Variants in PLCB4 observed in about 807,000 individuals in gnomAD.
PLCB4 encodes the protein 1-phosphatidylinositol 4,5-bisphosphate phosphodiesterase beta-4.
A neutral mutation model predicts 178.8 loss-of-function variants in PLCB4; 77 were observed. That is an observed-to-expected ratio of 0.43 (90% CI 0.36 to 0.52). The LOEUF (loss-of-function observed/expected upper bound fraction) is 0.52. Among genes scored for constraint, PLCB4 ranks in the 20% least tolerant of loss-of-function variants. The pLI is 0.00. For missense variants in PLCB4, 1,024 were observed against 1,453.4 expected, an observed-to-expected ratio of 0.70 and a Z score of 4.80; for synonymous variants, 496 against 490.8, an observed-to-expected ratio of 1.01 and a Z score of -0.14.
chr20:9,434,036 A>G (rs1246993342), intron 28 of PLCB4, among the ~76,000 whole-genome samples: 2 of 152,238 alleles, frequency 1.3e-5, no homozygotes, highest in African/African-American at 4.8e-5. Context: ...TCACTACAAT[A>G]CTTTAATAGC....
chr20:9,402,558 G>T lies in PLCB4; in HGVS notation c.1611+968G>T, dbSNP rs149439112. 6.6e-5 allele frequency among the ~76,000 whole-genome samples: 10 copies of T among 152,318 alleles called. No individual in the cohort carries two copies. In the East Asian group the frequency reaches 1.9e-3, roughly 29 times the overall value. ...GATTCAAGTTTTAAAAGATTGCTGT[G>T]GTTGCCATATGGAGACTAGTTTAGG... On this transcript the variant is annotated intron_variant, in intron 20 of 39. Coordinates refer to ENST00000378473, the MANE Select transcript of PLCB4 (RefSeq NM_001377142.1).
At chr20:9,308,031 G>C (rs2094790913) in intron 4 of PLCB4, 133 bp downstream of exon 4, 5 of 477,438 alleles carry the variant, frequency 1.0e-5, no homozygotes, top group Non-Finnish European at 1.8e-5. Context: ...TTGTTGAAAA[G>C]AGGCAAGTTA....
At chr20:9,255,408 G>A (rs1255236991) in intron 3 of PLCB4, among the ~76,000 whole-genome samples, 1 of 152,054 alleles carries the variant, frequency 6.6e-6, no homozygotes, top group Non-Finnish European at 1.5e-5. Flanking sequence ...ACTAGCCATT[G>A]AGTTGAACAT....
intron 3 of PLCB4, among the ~76,000 whole-genome samples, chr20:9,275,273 T>A (rs566058078): frequency 5.3e-5 from 8 of 152,054 alleles, no homozygotes; most frequent in Admixed American, 3.9e-4. Flanking sequence ...ACCCATCAGA[T>A]CTCGCAAGAC....
At chr20:9,081,187 T>C (rs923892450) in intron 1 of PLCB4, among the ~76,000 whole-genome samples, 2 of 152,214 alleles carry the variant, frequency 1.3e-5, no homozygotes, top group Non-Finnish European at 1.5e-5. Context: ...CACTACTTTA[T>C]AAGTTTACAT....
At chr20:9,407,759 T>TA (rs1480868527) in intron 21 of PLCB4, among the ~76,000 whole-genome samples, 158 bp from the exon 22 acceptor site, 7 of 152,234 alleles carry the variant, frequency 4.6e-5, no homozygotes, top group African/African-American at 1.7e-4. Flanking sequence ...CAACAGACAC[T>TA]AACTTCTTAA....
intron 3 of PLCB4, among the ~76,000 whole-genome samples, chr20:9,297,167 A>T (rs1171145413): frequency 4.7e-5 from 7 of 150,084 alleles, no homozygotes; most frequent in Non-Finnish European, 7.4e-5. Context: ...ACCCCCCCCC[A>T]CACCATATAT....
intron 32 of PLCB4, among the ~76,000 whole-genome samples, chr20:9,449,151 G>A (rs1262269778): frequency 6.6e-6 from 1 of 152,042 alleles, no homozygotes; most frequent in Admixed American, 6.5e-5. Flanking sequence ...TCTATTATAT[G>A]AGACACAGAA....
intron 35 of PLCB4, among the ~76,000 whole-genome samples, chr20:9,462,920 C>T (rs550561556): frequency 8.5e-5 from 13 of 152,168 alleles, no homozygotes; most frequent in East Asian, 7.7e-4. Flanking sequence ...CAGAGAACAC[C>T]GCAAAGATAC....
intron 2 of PLCB4, among the ~76,000 whole-genome samples, chr20:9,197,682 A>G (rs2093489455): frequency 6.6e-6 from 1 of 152,248 alleles, no homozygotes; most frequent in Non-Finnish European, 1.5e-5. Context: ...AAACAGAAAT[A>G]AAACTAAACC....
intron 32 of PLCB4, among the ~76,000 whole-genome samples, chr20:9,451,383 T>G (rs1330561713): frequency 6.6e-6 from 1 of 152,224 alleles, no homozygotes; most frequent in Admixed American, 6.5e-5. Context: ...CTTTCAATGA[T>G]ATTTGCAAGA....
intron 13 of PLCB4, 31 bp downstream of exon 13, chr20:9,380,193 A>G (rs1025204478): frequency 5.4e-6 from 6 of 1,111,988 alleles, no homozygotes; most frequent in Middle Eastern, 4.9e-4. Flanking sequence ...ACTTAAAAAA[A>G]AAAACAAGAA....
At chr20:9,168,537 A>C (rs1025025012) in intron 2 of PLCB4, among the ~76,000 whole-genome samples, 4 of 152,202 alleles carry the variant, frequency 2.6e-5, no homozygotes, top group Non-Finnish European at 5.9e-5. Context: ...ATATTGTACC[A>C]CAGCAGGTGT....
At chr20:9,321,512 T>C (rs933856964) in intron 4 of PLCB4, among the ~76,000 whole-genome samples, 1 of 152,352 alleles carries the variant, frequency 6.6e-6, no homozygotes, top group Admixed American at 6.5e-5. Context: ...ATTATACTAC[T>C]AAGTCTAGGT....
At chr20:9,343,758 A>G (rs1186249237) in intron 7 of PLCB4, among the ~76,000 whole-genome samples, 2 of 152,174 alleles carry the variant, frequency 1.3e-5, no homozygotes, top group Non-Finnish European at 2.9e-5. Flanking sequence ...CTTCTCCCAC[A>G]GTCATTTTCA....
intron 7 of PLCB4, among the ~76,000 whole-genome samples, chr20:9,358,173 G>T (rs1568646344): frequency 6.6e-6 from 1 of 152,248 alleles, no homozygotes; most frequent in Non-Finnish European, 1.5e-5. Context: ...TTCCCATCCT[G>T]AAGATTGATT....
At chr20:9,465,862 A>G (rs1202451899) in intron 35 of PLCB4, among the ~76,000 whole-genome samples, 1 of 152,214 alleles carries the variant, frequency 6.6e-6, no homozygotes, top group Non-Finnish European at 1.5e-5. Flanking sequence ...ATACTGCCCA[A>G]GGTAATTTAT....
chr20:9,405,184 C>T, intron 20 of PLCB4, 129 bp from the exon 21 acceptor site: 2 of 566,458 alleles, frequency 3.5e-6, no homozygotes, highest in Non-Finnish European at 3.2e-6. Context: ...TCAGTAATGT[C>T]CCACCTTAGC....
intron 34 of PLCB4, among the ~76,000 whole-genome samples, chr20:9,457,986 C>T (rs1168860652): frequency 6.6e-6 from 1 of 151,922 alleles, no homozygotes. Context: ...AAAATAGGAG[C>T]TTGAGAGACT....
Sources: gnomAD v4.1 joint callset for allele counts (sites outside exome capture counted in the v4.1 genomes callset) on GRCh38, gnomAD v4.1.1 for gene constraint, MANE v1.5 for transcripts, NCBI Gene and HGNC (gene_info 2026-07-23, HGNC 2026-07-21) for gene names.